FAAH2: variants seen among roughly 807,000 people sequenced by gnomAD.
FAAH2 encodes the protein fatty acid amide hydrolase 2, also known as fatty-acid amide hydrolase 2.
In FAAH2, 60 loss-of-function variants were observed where a neutral mutation model predicts 36.9. The ratio of observed to expected loss-of-function variants is 1.63; its 90% CI spans 1.32 to 2.02. FAAH2 has a LOEUF of 2.02. Among genes scored for constraint, FAAH2 ranks in the 30% most tolerant of loss-of-function variants. FAAH2 has a pLI of 0.00. For synonymous variants in FAAH2, 214 were observed against 143.8 expected (o/e 1.49, Z -3.49); for missense variants, 689 against 397.5 (o/e 1.73, Z -6.23).
chrX:57,160,233 G>C, the FAAH2 span, among the ~76,000 whole-genome samples: 3 of 111,451 alleles, frequency 2.7e-5, no homozygotes, highest in Admixed American at 9.5e-5. Flanking sequence ...TGTTGGCTTC[G>C]GTTTGCCAGT....
chrX:57,407,018 C>T (rs1569323153), intron 7 of FAAH2, among the ~76,000 whole-genome samples: 1 of 112,164 alleles, frequency 8.9e-6, no homozygotes, highest in East Asian at 2.8e-4. Context: ...CATACTCTCT[C>T]CTGCATTGGA....
chrX:57,380,719 A>AC (rs1190822572), intron 6 of FAAH2, among the ~76,000 whole-genome samples, 193 bp from the exon 7 acceptor site: 1 of 112,092 alleles, frequency 8.9e-6, no homozygotes, highest in African/African-American at 3.2e-5. Flanking sequence ...TGCATTTCAA[A>AC]CCATTCTCTC....
At chrX:57,477,464 G>C (rs1420402313) in intron 10 of FAAH2, among the ~76,000 whole-genome samples, 1 of 109,691 alleles carries the variant, frequency 9.1e-6, no homozygotes, top group Non-Finnish European at 1.9e-5. Flanking sequence ...ACTTTCTTTT[G>C]TTTATTGCTA....
chrX:57,287,694 A>G (rs1271403800), intron 1 of FAAH2, among the ~76,000 whole-genome samples: 4 of 111,933 alleles, frequency 3.6e-5, no homozygotes, highest in Non-Finnish European at 7.5e-5. Context: ...TTGTGCAGGC[A>G]GGACTATTCA....
At chrX:57,427,493 G>A (rs1247198049) in intron 7 of FAAH2, among the ~76,000 whole-genome samples, 1 of 111,664 alleles carries the variant, frequency 9.0e-6, no homozygotes, top group Non-Finnish European at 1.9e-5. Context: ...AAACATAGAT[G>A]TGAAAATCCT....
the FAAH2 span, among the ~76,000 whole-genome samples, chrX:57,175,523 G>T: frequency 9.0e-6 from 1 of 111,559 alleles, no homozygotes; most frequent in African/African-American, 3.3e-5. Flanking sequence ...TATCTATTTT[G>T]CCAACCTGTA....
intron 2 of FAAH2, among the ~76,000 whole-genome samples, chrX:57,299,025 A>G (rs1016503639): frequency 8.9e-6 from 1 of 111,751 alleles, no homozygotes; most frequent in African/African-American, 3.3e-5. Context: ...TACCAGAGGT[A>G]CAAGGAGGAG....
intron 10 of FAAH2, among the ~76,000 whole-genome samples, chrX:57,480,586 G>A (rs1768752965): frequency 8.9e-6 from 1 of 111,936 alleles, no homozygotes; most frequent in African/African-American, 3.2e-5. Context: ...TAGGCTTGTA[G>A]GGTTTCTGCA....
At chrX:57,446,858 G>A in intron 8 of FAAH2, 70 bp from the exon 9 acceptor site, 1 of 679,645 alleles carries the variant, frequency 1.5e-6, no homozygotes, top group Non-Finnish European at 2.3e-6. Context: ...TATAAGTCTT[G>A]TATAGGTGTT....
At chrX:57,366,536 G>A (rs945145642) in intron 5 of FAAH2, among the ~76,000 whole-genome samples, 2 of 112,413 alleles carry the variant, frequency 1.8e-5, no homozygotes, top group African/African-American at 6.5e-5. Flanking sequence ...GGGCAGCAGG[G>A]GTCCCAAAGC....
chrX:57,232,000 A>G, the FAAH2 span, among the ~76,000 whole-genome samples: 56 of 111,522 alleles, frequency 5.0e-4, no homozygotes, highest in Non-Finnish European at 1.0e-3. Context: ...CATATGCATG[A>G]TATGCTTGGA....
At chrX:57,218,381 C>A in the FAAH2 span, among the ~76,000 whole-genome samples, 2 of 111,848 alleles carry the variant, frequency 1.8e-5, no homozygotes, top group East Asian at 5.6e-4. Flanking sequence ...CCCTTGTATG[C>A]CAATTTTGCT....
At chrX:57,217,733 C>T in the FAAH2 span, among the ~76,000 whole-genome samples, 1 of 111,692 alleles carries the variant, frequency 9.0e-6, no homozygotes, top group African/African-American at 3.3e-5. Context: ...CAGATTTGTT[C>T]TTTTTGCTTA....
At chrX:57,343,527 T>C (rs1353325176) in intron 5 of FAAH2, among the ~76,000 whole-genome samples, 1 of 111,707 alleles carries the variant, frequency 9.0e-6, no homozygotes, top group Non-Finnish European at 1.9e-5. Flanking sequence ...TAGACTTATG[T>C]TGGATGCATG....
chrX:57,295,984 C>T (rs1034721469), intron 2 of FAAH2, among the ~76,000 whole-genome samples: 1 of 112,407 alleles, frequency 8.9e-6, no homozygotes, highest in Non-Finnish European at 1.9e-5. Context: ...CCCACCACAG[C>T]TCAAGGAGGC....
In FAAH2 at chrX:57,471,699, A is replaced by G. The variant is rs193210445; in HGVS notation, c.1424-17058A>G. ...AATTTATAGATTCAATGCCATTCCC[A>G]TCAACCTACAAATGACTTTCTTCAC... is the stretch of plus-strand genomic sequence containing the variant. On this transcript the variant is annotated intron_variant, in intron 10 of 10. Coordinates refer to ENST00000374900, the MANE Select transcript of FAAH2 (RefSeq NM_174912.4). Among the ~76,000 whole-genome samples, 352 of 111,907 alleles carry G rather than the reference A, an allele frequency of 3.1e-3. 3 individuals carry two copies. Among genetic ancestry groups the G allele is most frequent in the African/African-American group, 0.011 (335 of 30,758 alleles).
At chrX:57,335,992 G>A (rs1449251510) in intron 4 of FAAH2, among the ~76,000 whole-genome samples, 2 of 111,335 alleles carry the variant, frequency 1.8e-5, no homozygotes, top group African/African-American at 6.5e-5. Context: ...CAAGGTTGGG[G>A]GTAGGGTTAC....
chrX:57,216,560 A>ATACG, the FAAH2 span, among the ~76,000 whole-genome samples: 19 of 45,214 alleles, frequency 4.2e-4, no homozygotes, highest in African/African-American at 3.3e-3. Context: ...GTATATATAT[A>ATACG]TATACGTATA....
the FAAH2 span, among the ~76,000 whole-genome samples, chrX:57,189,692 A>T: frequency 2.4e-3 from 272 of 111,166 alleles, 1 homozygote; most frequent in South Asian, 1.9e-3. Flanking sequence ...TCCAGACCCT[A>T]TTTGTTTGGG....
Sources: gnomAD v4.1 joint callset for allele counts (sites outside exome capture counted in the v4.1 genomes callset) on GRCh38, gnomAD v4.1.1 for gene constraint, MANE v1.5 for transcripts, NCBI Gene and HGNC (gene_info 2026-07-23, HGNC 2026-07-21) for gene names.